The following KSR2 variants were observed in gnomAD, a reference collection of about 807,000 sequenced individuals.
The protein encoded by KSR2 is kinase suppressor of ras 2.
Under a neutral mutation model 107.8 loss-of-function variants are expected in KSR2, and 25 were observed. That is an observed-to-expected ratio of 0.23 (90% CI 0.17 to 0.32). The LOEUF (loss-of-function observed/expected upper bound fraction) is 0.32. Among genes scored for constraint, KSR2 ranks in the 10% least tolerant of loss-of-function variants. The pLI, the probability that KSR2 is intolerant of heterozygous loss-of-function variation, is 1.00. For missense variants in KSR2, 887 were observed against 1,268.9 expected (o/e 0.70, Z 4.57); for synonymous variants, 480 against 507.0 (o/e 0.95, Z 0.71).
intron 5 of KSR2, among the ~76,000 whole-genome samples, chr12:117,635,146 C>A (rs1023854225): frequency 1.3e-5 from 2 of 152,182 alleles, no homozygotes; most frequent in Non-Finnish European, 2.9e-5. Flanking sequence ...CAGAAGGAAG[C>A]AAGTCTCCTG....
At chr12:117,665,005 T>C (rs1199491472) in intron 5 of KSR2, among the ~76,000 whole-genome samples, 1 of 152,146 alleles carries the variant, frequency 6.6e-6, no homozygotes, top group Non-Finnish European at 1.5e-5. Flanking sequence ...TCTGTTTCTG[T>C]TACTTGTTAG....
At chr12:117,672,848 C>A (rs1382571519) in intron 4 of KSR2, among the ~76,000 whole-genome samples, 2 of 152,212 alleles carry the variant, frequency 1.3e-5, no homozygotes, top group Non-Finnish European at 2.9e-5. Context: ...TGGTCTTGAA[C>A]TCCTGACCTT....
chr12:117,714,461 G>C (rs1004039659), intron 4 of KSR2, among the ~76,000 whole-genome samples: 1 of 152,162 alleles, frequency 6.6e-6, no homozygotes, highest in Non-Finnish European at 1.5e-5. Flanking sequence ...GAGGAGAGGA[G>C]AGGGGCCATA....
chr12:117,706,238 T>G (rs1886527371), intron 4 of KSR2, among the ~76,000 whole-genome samples: 1 of 151,908 alleles, frequency 6.6e-6, no homozygotes, highest in African/African-American at 2.4e-5. Context: ...GAGATGGGGT[T>G]TCACCATGTT....
rs1401602771 is a variant in KSR2 at position 117,463,729 on chromosome 12, T to C, written c.*3470A>G. The stretch of plus-strand genomic sequence containing the variant: ...AAGATAATGATTGGCCTGAGCTCCG[T>C]GTCTACTACTTCCTCCGTGTACCTT... On this transcript the variant is annotated 3_prime_UTR_variant, in exon 20 of 20. Coordinates refer to ENST00000339824, the MANE Select transcript of KSR2 (RefSeq NM_173598.6). 1 of 152,306 alleles carries C rather than the reference T, an allele frequency of 6.6e-6. No homozygotes were observed. Among genetic ancestry groups the C allele is most frequent in the Admixed American group, 6.5e-5 (1 of 15,284 alleles). The allele number at this position is 152,306 out of a possible 1,614,324, so 9.4% of individuals were successfully genotyped here. A position where few individuals can be genotyped will look rare whatever the true frequency, so the allele number is the denominator to read the frequency against.
At chr12:117,586,628 A>AG (rs1491464376) in intron 5 of KSR2, among the ~76,000 whole-genome samples, 9 of 53,304 alleles carry the variant, frequency 1.7e-4, no homozygotes, top group East Asian at 7.3e-4. Context: ...AAAAAGAAAG[A>AG]AAAAGAAAGA....
intron 7 of KSR2, among the ~76,000 whole-genome samples, chr12:117,573,524 CTT>C (rs35130903): frequency 2.4e-3 from 259 of 108,310 alleles, no homozygotes; most frequent in African/African-American, 8.9e-3. Context: ...CACATGTTAT[CTT>C]TTTTTTTTTT....
chr12:117,726,193 T>TA (rs945014780), intron 4 of KSR2, among the ~76,000 whole-genome samples: 4 of 151,612 alleles, frequency 2.6e-5, no homozygotes, highest in African/African-American at 7.3e-5. Flanking sequence ...TAAAATAAAA[T>TA]AAAAATTTTT....
intron 4 of KSR2, among the ~76,000 whole-genome samples, chr12:117,708,224 G>A (rs1158449648): frequency 6.6e-6 from 1 of 152,216 alleles, no homozygotes; most frequent in Admixed American, 6.5e-5. Flanking sequence ...GCTTTTGGCT[G>A]TTAAGTCAGA....
chr12:117,636,526 C>T (rs1408796614), intron 5 of KSR2, among the ~76,000 whole-genome samples: 1 of 152,084 alleles, frequency 6.6e-6, no homozygotes, highest in Non-Finnish European at 1.5e-5. Flanking sequence ...AAGGTACACA[C>T]CTGATCAATG....
intron 1 of KSR2, among the ~76,000 whole-genome samples, chr12:117,892,862 G>A (rs1388838896): frequency 1.4e-5 from 2 of 147,680 alleles, no homozygotes; most frequent in Non-Finnish European, 3.0e-5. Flanking sequence ...AAATAGTATT[G>A]CATCTCTACT....
At chr12:117,763,085 C>T (rs1278750877) in intron 3 of KSR2, among the ~76,000 whole-genome samples, 1 of 151,932 alleles carries the variant, frequency 6.6e-6, no homozygotes, top group Non-Finnish European at 1.5e-5. Flanking sequence ...GTTCCCCTTC[C>T]TGTGTCCATG....
At chr12:117,490,527 C>T (rs1287124967) in intron 14 of KSR2, among the ~76,000 whole-genome samples, 1 of 152,180 alleles carries the variant, frequency 6.6e-6, no homozygotes, top group Admixed American at 6.5e-5. Flanking sequence ...TTCATTGGCA[C>T]TACATTTCTT....
chr12:117,525,355 G>A lies in KSR2; in HGVS notation c.1852-136C>T, dbSNP rs957105543. The A allele has an allele frequency of 5.1e-6, 5 of 990,014 alleles. No individual in the cohort carries two copies. The African/African-American group carries it at 8.2e-5, about 16-fold the overall frequency. 61.3% of individuals were successfully genotyped at this position (990,014 alleles called of 1,614,324 possible). On this transcript the variant is annotated intron_variant, in intron 13 of 19. Coordinates refer to ENST00000339824, the MANE Select transcript of KSR2 (RefSeq NM_173598.6). ...GCATTTGGAGCTTGTGCAGACATAC[G>A]TCCCTCTGTTTCCCCAGCTCTAGAA...
chr12:117,923,489 C>A (rs1895407711), intron 1 of KSR2, among the ~76,000 whole-genome samples: 1 of 152,052 alleles, frequency 6.6e-6, no homozygotes, highest in African/African-American at 2.4e-5. Context: ...GAGTTCAAGA[C>A]CCCATCTCCA....
intron 3 of KSR2, among the ~76,000 whole-genome samples, chr12:117,828,342 AT>A (rs1326138760): frequency 6.6e-6 from 1 of 152,218 alleles, no homozygotes; most frequent in Non-Finnish European, 1.5e-5. Context: ...TCCTGGTGTT[AT>A]GTAATATCCA....
intron 1 of KSR2, among the ~76,000 whole-genome samples, chr12:117,927,146 C>T (rs191053598): frequency 3.0e-4 from 46 of 152,174 alleles, no homozygotes; most frequent in Non-Finnish European, 3.7e-4. Context: ...GAGGCCGAGG[C>T]GGGTGGATCC....
At chr12:117,795,917 T>G (rs1348689204) in intron 3 of KSR2, among the ~76,000 whole-genome samples, 1 of 152,046 alleles carries the variant, frequency 6.6e-6, no homozygotes, top group Non-Finnish European at 1.5e-5. Flanking sequence ...GGCCAAAGCC[T>G]GTGTTGTTGT....
At chr12:117,651,109 C>T (rs1265613963) in intron 5 of KSR2, among the ~76,000 whole-genome samples, 1 of 152,102 alleles carries the variant, frequency 6.6e-6, no homozygotes, top group Admixed American at 6.6e-5. Context: ...TCTGATGGAC[C>T]CTTTTTGCCA....
Sources: allele counts gnomAD v4.1 joint callset (sites outside exome capture counted in the v4.1 genomes callset), GRCh38; gene constraint gnomAD v4.1.1; transcripts MANE v1.5; gene names NCBI Gene and HGNC (gene_info 2026-07-23, HGNC 2026-07-21).